AQR: variants seen among roughly 807,000 people sequenced by gnomAD.
The protein encoded by AQR is aquarius intron-binding spliceosomal factor, also known as RNA helicase aquarius.
In AQR, 61 loss-of-function variants were observed where a neutral mutation model predicts 180.5. The ratio of observed to expected loss-of-function variants is 0.34; its 90% CI spans 0.28 to 0.42. AQR has a LOEUF of 0.42. Ranked by LOEUF, AQR falls within the 10% of genes least tolerant of loss-of-function variation. AQR has a pLI of 1.00. For missense variants in AQR, 1,281 were observed against 1,798.3 expected (o/e 0.71, Z 5.20); for synonymous variants, 551 against 588.8 (o/e 0.94, Z 0.93).
intron 11 of AQR, 23 bp downstream of exon 11, chr15:34,932,295 C>T (rs370170441): frequency 8.5e-5 from 133 of 1,556,084 alleles, no homozygotes; most frequent in Non-Finnish European, 1.2e-4. Context: ...ACAATAAATA[C>T]GTTCAGATAC....
chr15:34,951,238 T>C (rs947879120), intron 4 of AQR, among the ~76,000 whole-genome samples: 1 of 152,232 alleles, frequency 6.6e-6, no homozygotes, highest in Non-Finnish European at 1.5e-5. Flanking sequence ...CTTTCCAGTT[T>C]AGCAAGAAAC....
At chr15:34,927,687 G>A (rs1422097703) in intron 12 of AQR, among the ~76,000 whole-genome samples, 3 of 152,078 alleles carry the variant, frequency 2.0e-5, no homozygotes, top group African/African-American at 7.2e-5. Flanking sequence ...AGTCTTCCTT[G>A]GGATTTAACA....
chr15:34,950,390 CTTTGCTA>C (rs1894208833), intron 4 of AQR, among the ~76,000 whole-genome samples: 1 of 152,074 alleles, frequency 6.6e-6, no homozygotes, highest in African/African-American at 2.4e-5. Context: ...TCCCGGCCCT[CTTTGCTA>C]TTTTCTAGTT....
intron 4 of AQR, among the ~76,000 whole-genome samples, 178 bp downstream of exon 4, chr15:34,952,707 G>A (rs934667615): frequency 3.3e-5 from 5 of 152,192 alleles, no homozygotes; most frequent in Non-Finnish European, 2.9e-5. Flanking sequence ...TTCTGGCAAT[G>A]GGCCATCATC....
Position 34,862,757 on chromosome 15 carries a change from G to A in AQR, c.4029+110C>T. On this transcript the variant is annotated intron_variant, in intron 33 of 34. Coordinates refer to ENST00000156471, the MANE Select transcript of AQR (RefSeq NM_014691.3). Reference sequence around the variant, plus strand: ...CCTCAGTGCAGCACACTCTAAAACAGGGACTAAATTATCTATAATAATGTT... The same window carrying A: ...CCTCAGTGCAGCACACTCTAAAACAAGGACTAAATTATCTATAATAATGTT... The A allele has an allele frequency of 4.2e-6, 5 of 1,187,860 alleles. No individual in the cohort carries two copies. In the South Asian group the frequency reaches 4.6e-5, roughly 11 times the overall value. The allele number at this position is 1,187,860 out of a possible 1,614,324, so 73.6% of individuals were successfully genotyped here. A position where few individuals can be genotyped will look rare whatever the true frequency, so the allele number is the denominator to read the frequency against.
chr15:34,957,437 T>C (rs1894336565), intron 3 of AQR, among the ~76,000 whole-genome samples: 1 of 152,142 alleles, frequency 6.6e-6, no homozygotes, highest in African/African-American at 2.4e-5. Context: ...CCAGGCGTGG[T>C]GGCTCACACC....
At position 34,915,327 on chromosome 15, in the gene AQR, A is replaced by G; in HGVS notation, c.1343-148T>C. 7.9e-6 allele frequency: 6 copies of G among 760,596 alleles called. No homozygotes were observed. The South Asian group carries it at 8.5e-5, about 11-fold the overall frequency. The allele number at this position is 760,596 out of a possible 1,614,324, so 47.1% of individuals were successfully genotyped here. ...TGCCTCAGCCTCCTGAGTAGCTGGG[A>G]TTACAGGCACCTGCCACCATGCCTG... is the stretch of plus-strand genomic sequence containing the variant. On this transcript the variant is annotated intron_variant, in intron 15 of 34. Coordinates refer to ENST00000156471, the MANE Select transcript of AQR (RefSeq NM_014691.3).
At chr15:34,897,089 C>G in intron 21 of AQR, 123 bp from the exon 22 acceptor site, 1 of 714,350 alleles carries the variant, frequency 1.4e-6, no homozygotes, top group South Asian at 1.9e-5. Context: ...CTCTCAATCT[C>G]TTCTGAATGA....
At chr15:34,929,248 G>C (rs768302868) in intron 12 of AQR, among the ~76,000 whole-genome samples, 2 of 152,006 alleles carry the variant, frequency 1.3e-5, no homozygotes, top group Non-Finnish European at 2.9e-5. Flanking sequence ...TGGCTTTTTT[G>C]TCATAAAGCT....
intron 27 of AQR, among the ~76,000 whole-genome samples, chr15:34,876,789 G>C (rs1261314884): frequency 6.6e-6 from 1 of 152,092 alleles, no homozygotes; most frequent in Non-Finnish European, 1.5e-5. Flanking sequence ...TACTCACTAA[G>C]CTTCAACCAC....
chr15:34,879,284 GATA>G (rs1334380576), intron 27 of AQR, among the ~76,000 whole-genome samples: 1 of 152,186 alleles, frequency 6.6e-6, no homozygotes, highest in African/African-American at 2.4e-5. Context: ...TTGCTTCTAA[GATA>G]ATAAAACTGG....
intron 27 of AQR, among the ~76,000 whole-genome samples, chr15:34,880,790 T>A (rs1278072037): frequency 6.6e-6 from 1 of 152,120 alleles, no homozygotes; most frequent in Non-Finnish European, 1.5e-5. Flanking sequence ...AGACAATGCC[T>A]AAAATGGAAA....
At chr15:34,939,382 A>C (rs763957166) in intron 8 of AQR, among the ~76,000 whole-genome samples, 1 of 152,176 alleles carries the variant, frequency 6.6e-6, no homozygotes, top group Admixed American at 6.5e-5. Flanking sequence ...CACAGCTCCC[A>C]GCCAAACATT....
At chr15:34,955,188 T>C (rs1355309730) in intron 3 of AQR, among the ~76,000 whole-genome samples, 1 of 152,136 alleles carries the variant, frequency 6.6e-6, no homozygotes, top group East Asian at 1.9e-4. Flanking sequence ...TATAAATAAT[T>C]TGAAGGATAT....
chr15:34,895,276 T>C (rs1893227615), intron 22 of AQR, among the ~76,000 whole-genome samples: 1 of 118,610 alleles, frequency 8.4e-6, no homozygotes, highest in Admixed American at 8.9e-5. Context: ...ACGGAAGGCA[T>C]GAAAAGGGAA....
At chr15:34,967,217 C>T (rs2050314268) in intron 1 of AQR, among the ~76,000 whole-genome samples, 1 of 152,112 alleles carries the variant, frequency 6.6e-6, no homozygotes, top group Non-Finnish European at 1.5e-5. Flanking sequence ...TTTACATTCA[C>T]ACCTTAAGGT....
intron 27 of AQR, 49 bp downstream of exon 27, chr15:34,882,453 C>G (rs1892985427): frequency 7.5e-7 from 1 of 1,337,908 alleles, no homozygotes; most frequent in African/African-American, 1.8e-5. Context: ...GTGAGCCAAT[C>G]TCTGATAATC....
chr15:34,944,510 G>T, intron 5 of AQR, 82 bp from the exon 6 acceptor site: 2 of 1,394,824 alleles, frequency 1.4e-6, no homozygotes, highest in South Asian at 1.6e-5. Context: ...CTTTTTAGCA[G>T]TCTATTAAAA....
chr15:34,878,058 A>G (rs755024499), intron 27 of AQR, among the ~76,000 whole-genome samples: 4 of 152,120 alleles, frequency 2.6e-5, no homozygotes, highest in Non-Finnish European at 5.9e-5. Flanking sequence ...CTCTAAGGTA[A>G]TATCTCTCTT....
Sources: allele counts gnomAD v4.1 joint callset (sites outside exome capture counted in the v4.1 genomes callset), GRCh38; gene constraint gnomAD v4.1.1; transcripts MANE v1.5; gene names NCBI Gene and HGNC (gene_info 2026-07-23, HGNC 2026-07-21).